Variants in SLC19A1 observed in about 807,000 individuals in gnomAD.
SLC19A1 encodes reduced folate transporter.
Under a neutral mutation model 35.3 loss-of-function variants are expected in SLC19A1, and 37 were observed. The ratio of observed to expected loss-of-function variants is 1.05; its 90% CI spans 0.81 to 1.38. SLC19A1 has a LOEUF of 1.38. Ranked by LOEUF, SLC19A1 falls within the 40% of genes most tolerant of loss-of-function variation. The pLI is 0.00. For missense variants in SLC19A1, 831 were observed against 826.9 expected (o/e 1.00, Z -0.06); for synonymous variants, 460 against 398.5 (o/e 1.15, Z -1.84).
chr21:45,551,873 G>A (rs759286463), intron 1 of SLC19A1, among the ~76,000 whole-genome samples: 12 of 152,122 alleles, frequency 7.9e-5, no homozygotes, highest in African/African-American at 1.2e-4. Flanking sequence ...GGGCCCCGCC[G>A]TGACTGGGGT....
downstream of SLC19A1, among the ~76,000 whole-genome samples, chr21:45,510,898 A>G (rs146737374): frequency 0.012 from 1,876 of 151,880 alleles, 30 homozygotes; most frequent in East Asian, 0.034. Flanking sequence ...GTTCCCTGGC[A>G]GGACATGCCC....
downstream of SLC19A1, among the ~76,000 whole-genome samples, chr21:45,508,750 T>A (rs1360594835): frequency 6.6e-6 from 1 of 152,122 alleles, no homozygotes; most frequent in African/African-American, 2.4e-5. Context: ...CAGTCAATAG[T>A]CATGGCCCCT....
intron 1 of SLC19A1, among the ~76,000 whole-genome samples, chr21:45,550,236 C>T (rs2078452168): frequency 6.6e-6 from 1 of 152,146 alleles, no homozygotes; most frequent in Non-Finnish European, 1.5e-5. Context: ...GGGTGTTTCC[C>T]TCCTGGGGAG....
chr21:45,510,375 C>A, downstream of SLC19A1: 1 of 1,225,666 alleles, frequency 8.2e-7, no homozygotes, highest in Non-Finnish European at 1.2e-6. Flanking sequence ...ATGTTACAGA[C>A]ACTGGCGCCT....
At chr21:45,504,344 C>CG (rs2037051734) in intron 3 of SLC19A1, 6 of 1,499,564 alleles carry the variant, frequency 4.0e-6, no homozygotes, top group Non-Finnish European at 4.6e-6. Context: ...AGCCCTGGCT[C>CG]GGGGGGATGG....
chr21:45,557,868 A>G lies in SLC19A1; in HGVS notation c.-50+4874T>C, dbSNP rs546029067. Among the ~76,000 whole-genome samples, 7 of 152,270 alleles carry G rather than the reference A, an allele frequency of 4.6e-5. No individual in the cohort carries two copies. In the South Asian group the frequency reaches 8.3e-4, roughly 18 times the overall value. ...GTGTGGGGGTGGCCGTGCCCTCGGC[A>G]CTCGGACTTGGCCTCCTGAGCCCAG... On this transcript the variant is annotated intron_variant, in intron 1 of 5. Coordinates refer to the SLC19A1 transcript ENST00000650808.
At chr21:45,505,589 G>T (rs1602618421) in intron 3 of SLC19A1, among the ~76,000 whole-genome samples, 1 of 152,180 alleles carries the variant, frequency 6.6e-6, no homozygotes, top group Admixed American at 6.5e-5. Context: ...GGCCATGGGG[G>T]AATCAGGTGG....
In SLC19A1 at chr21:45,531,477, G is replaced by T. The variant is rs1346084661; in HGVS notation, c.861C>A (p.Tyr287Ter). 6.2e-7 allele frequency: 1 copy of T among 1,612,634 alleles called. No individual in the cohort carries two copies. Among genetic ancestry groups the T allele is most frequent in the Admixed American group, 1.7e-5 (1 of 59,968 alleles). The part of the protein sequence containing the change: ...NSAGYYLVVY[Y>*]VHILWNEVDP... ...CCACCTCGTTCCACAGGATGTGCACGTAGTAGACCACCAGGTAGTAGCCGG... is the reference window on the plus strand; with the variant it reads ...CCACCTCGTTCCACAGGATGTGCACTTAGTAGACCACCAGGTAGTAGCCGG... Residue 287 changes from tyrosine to a stop codon, truncating the protein, a stop_gained, in exon 3 of 6, where the codon TAC becomes TAA. Transcript: ENST00000311124. LOFTEE classifies it high-confidence loss of function.
At chr21:45,503,019 C>T (rs139725391) in intron 3 of SLC19A1, 46 of 152,166 alleles carry the variant, frequency 3.0e-4, no homozygotes, top group African/African-American at 1.0e-3. Context: ...TGAATAATGT[C>T]GCAATAAACA....
chr21:45,548,777 G>T (rs1189632921), upstream of SLC19A1, among the ~76,000 whole-genome samples: 3 of 152,028 alleles, frequency 2.0e-5, no homozygotes, highest in Non-Finnish European at 4.4e-5. Flanking sequence ...ATATGCAAAA[G>T]ATTTGAACAC....
chr21:45,511,789 G>T (rs1292338349), downstream of SLC19A1, among the ~76,000 whole-genome samples: 5 of 152,208 alleles, frequency 3.3e-5, no homozygotes, highest in African/African-American at 1.2e-4. Context: ...CCTGCCAAGG[G>T]TCTCTGACAG....
At chr21:45,510,221 G>A (rs548296965), downstream of SLC19A1, 66 of 1,606,254 alleles carry the variant, frequency 4.1e-5, no homozygotes, top group South Asian at 1.2e-4. Flanking sequence ...AGCATCGTGC[G>A]CCGTGCCGAC....
chr21:45,504,678 GC>G, intron 3 of SLC19A1: 1 of 826,974 alleles, frequency 1.2e-6, no homozygotes, highest in East Asian at 2.7e-5. Context: ...AAGCTCAGCA[GC>G]CCCGACATGT....
At chr21:45,560,407 T>C (rs1420357788) in intron 1 of SLC19A1, among the ~76,000 whole-genome samples, 3 of 151,484 alleles carry the variant, frequency 2.0e-5, no homozygotes, top group Non-Finnish European at 4.4e-5. Flanking sequence ...GGAGACGCTA[T>C]GTGGGAATGG....
Position 45,515,095 on chromosome 21 carries a change from C to G in SLC19A1, c.*563G>C, listed in dbSNP as rs2037825201. Reference sequence around the variant, plus strand: ...CTCCCCTCTGATGACAATGTGTCTGCCGCCAACCTGAGATGGCTTTTCCAC... The same window carrying G: ...CTCCCCTCTGATGACAATGTGTCTGGCGCCAACCTGAGATGGCTTTTCCAC... On this transcript the variant is annotated 3_prime_UTR_variant, in exon 6 of 6. Coordinates refer to ENST00000311124, the MANE Select transcript of SLC19A1 (RefSeq NM_194255.4). 6.5e-7 allele frequency: 1 copy of G among 1,545,572 alleles called. No homozygotes were observed. Among genetic ancestry groups the G allele is most frequent in the South Asian group, 1.2e-5 (1 of 83,212 alleles).
In SLC19A1 at chr21:45,537,888, G is replaced by T; in HGVS notation, c.72C>A (p.Ser24=). The change falls in exon 2 of 6, where the codon TCC becomes TCA. Residue 24 remains serine (S), a synonymous_variant. Transcript: ENST00000311124. Reference sequence around the variant, plus strand: ...AAAGGTAGCACACGAGGTGCCGCCAGGACCGGAGCTCGGGGTCAGGCCCAG... The same window carrying T: ...AAAGGTAGCACACGAGGTGCCGCCATGACCGGAGCTCGGGGTCAGGCCCAG... ...VEPGPDPELR[S]WRHLVCYLCF... The T allele has an allele frequency of 6.2e-7, 1 of 1,600,908 alleles. No homozygotes were observed.
chr21:45,558,159 C>T (rs748636726), intron 1 of SLC19A1, among the ~76,000 whole-genome samples: 1 of 152,256 alleles, frequency 6.6e-6, no homozygotes, highest in Non-Finnish European at 1.5e-5. Flanking sequence ...GAAAACCCTT[C>T]GGGGCCAAGG....
At chr21:45,525,491 C>T (rs1222977577) in intron 5 of SLC19A1, among the ~76,000 whole-genome samples, 1 of 152,256 alleles carries the variant, frequency 6.6e-6, no homozygotes, top group East Asian at 1.9e-4. Flanking sequence ...ACGTGGCCTC[C>T]AGCCAGGGCT....
chr21:45,516,032 G>A lies in SLC19A1; in HGVS notation c.1402C>T (p.Pro468Ser), dbSNP rs1568969549. ...GCGGCACTCCTCAGGCCCTGGGCCGGGGGCTGCCGCGGGTGGTGGCCCCGC... is the reference window on the plus strand; with the variant it reads ...GCGGCACTCCTCAGGCCCTGGGCCGAGGGCTGCCGCGGGTGGTGGCCCCGC... ...CQRGHHPRQPPAQGLRSAAEE... is the reference protein window; with the variant it reads ...CQRGHHPRQPSAQGLRSAAEE... Residue 468 changes from proline (P) to serine (S), a missense_variant, in exon 6 of 6, where the codon CCG (proline) becomes TCG (serine). Pro to Ser is a moderately conservative substitution (Grantham distance 74, BLOSUM62 -1). Transcript: ENST00000311124. 6.3e-7 allele frequency: 1 copy of A among 1,581,192 alleles called. No homozygotes were observed. The highest frequency in any genetic ancestry group is 8.6e-7 in the Non-Finnish European group (1 of 1,165,028).
Sources: allele counts gnomAD v4.1 joint callset (sites outside exome capture counted in the v4.1 genomes callset), GRCh38; gene constraint gnomAD v4.1.1; transcripts MANE v1.5; gene names NCBI Gene and HGNC (gene_info 2026-07-23, HGNC 2026-07-21).